Variants in TMEM114 observed in about 807,000 individuals in gnomAD.
The protein encoded by TMEM114 is transmembrane protein 114, also known as claudin-26.
A neutral mutation model predicts 6.2 loss-of-function variants in TMEM114; 6 were observed. That is an observed-to-expected ratio of 0.97 (90% CI 0.53 to 1.91). TMEM114 has a LOEUF of 1.91. Ranked by LOEUF, TMEM114 falls within the 40% of genes most tolerant of loss-of-function variation. The pLI is 0.01. For synonymous variants in TMEM114, 104 were observed against 73.0 expected (o/e 1.42, Z -2.16); for missense variants, 218 against 158.3 (o/e 1.38, Z -2.02).
chr16:8,561,880 A>G (rs12934183), intron 2 of TMEM114, among the ~76,000 whole-genome samples: 160 of 139,596 alleles, frequency 1.1e-3, no homozygotes, highest in African/African-American at 3.9e-3. Context: ...GAGTGAGTGA[A>G]TGAGTGAGTG....
At chr16:8,544,169 T>C (rs1346328048) in intron 2 of TMEM114, among the ~76,000 whole-genome samples, 3 of 152,252 alleles carry the variant, frequency 2.0e-5, no homozygotes, top group Admixed American at 1.3e-4. Context: ...AGCAACTTTA[T>C]ATAGGCAAGC....
chr16:8,550,124 C>T (rs772948860), intron 2 of TMEM114, among the ~76,000 whole-genome samples: 15 of 152,228 alleles, frequency 9.9e-5, no homozygotes, highest in Non-Finnish European at 1.8e-4. Flanking sequence ...CCAGAAGACT[C>T]AGCAAGTCAG....
At chr16:8,528,144 G>C in the TMEM114 span, among the ~76,000 whole-genome samples, 1 of 152,032 alleles carries the variant, frequency 6.6e-6, no homozygotes, top group Non-Finnish European at 1.5e-5. Flanking sequence ...CAAGTGATCT[G>C]CCTGCCTAGG....
intron 2 of TMEM114, among the ~76,000 whole-genome samples, chr16:8,543,427 G>A (rs1900573157): frequency 6.6e-6 from 1 of 151,480 alleles, no homozygotes; most frequent in Non-Finnish European, 1.5e-5. Context: ...AAGTGCCCCA[G>A]TGTGACTGAG....
At chr16:8,560,976 C>A (rs957332701) in intron 2 of TMEM114, among the ~76,000 whole-genome samples, 2 of 152,128 alleles carry the variant, frequency 1.3e-5, no homozygotes, top group Non-Finnish European at 2.9e-5. Context: ...TCACAGCAGG[C>A]GAGACAGGGA....
downstream of TMEM114, among the ~76,000 whole-genome samples, chr16:8,534,636 C>T (rs1186766931): frequency 6.6e-6 from 1 of 152,180 alleles, no homozygotes; most frequent in Non-Finnish European, 1.5e-5. Flanking sequence ...GTGCTGAAGG[C>T]AGAGGTGCTG....
chr16:8,561,294 G>A (rs1384134542), intron 2 of TMEM114, among the ~76,000 whole-genome samples: 1 of 152,232 alleles, frequency 6.6e-6, no homozygotes, highest in Non-Finnish European at 1.5e-5. Context: ...TTAGGAGGAA[G>A]AGTTTCTGGT....
At position 8,562,578 on chromosome 16, in the gene TMEM114, GAGGA is replaced by G. The variant is rs1901289254; in HGVS notation, n.213-24756_213-24753del. On this transcript the variant is annotated intron_variant and non_coding_transcript_variant, in intron 2 of 2. Coordinates refer to the TMEM114 transcript ENST00000623677. ...TGCGTCAATGAGTGAGTGAATGAGT[GAGGA>G]AATAAGTAAGTGAATGAGTGAGTGA... Among the ~76,000 whole-genome samples, 6 of 105,378 alleles carry G rather than the reference GAGGA, an allele frequency of 5.7e-5. No individual in the cohort carries two copies. In the East Asian group the frequency reaches 1.5e-3, roughly 26 times the overall value. The allele number at this position is 105,378 out of a possible 152,430, so 69.1% of individuals were successfully genotyped here.
At chr16:8,563,585 G>GTTAA (rs1901372960) in intron 2 of TMEM114, among the ~76,000 whole-genome samples, 3 of 136,276 alleles carry the variant, frequency 2.2e-5, no homozygotes, top group Non-Finnish European at 4.8e-5. Flanking sequence ...AAATGAGTGA[G>GTTAA]TGAATGAGTG....
Position 8,545,294 on chromosome 16 carries a change from G to T in TMEM114, n.213-7468C>A, listed in dbSNP as rs140259068. Among the ~76,000 whole-genome samples, 861 of 152,148 alleles carry T rather than the reference G, an allele frequency of 5.7e-3. 6 individuals are homozygous for T. The highest frequency in any genetic ancestry group is 0.02 in the African/African-American group (812 of 41,500). Reference sequence around the variant, plus strand: ...ATCTACAAAAAATAAAAAATAACCAGGCACAGTGGCACATGCCTGCAGTCC... The same window carrying T: ...ATCTACAAAAAATAAAAAATAACCATGCACAGTGGCACATGCCTGCAGTCC... On this transcript the variant is annotated intron_variant and non_coding_transcript_variant, in intron 2 of 2. Transcript: ENST00000623677.
At chr16:8,575,587 T>C (rs538244074) in intron 2 of TMEM114, among the ~76,000 whole-genome samples, 21 of 152,252 alleles carry the variant, frequency 1.4e-4, no homozygotes, top group African/African-American at 4.8e-4. Flanking sequence ...CTCACCAGGG[T>C]TCCAATGTCA....
chr16:8,564,027 A>AAATGAGTGACTGAATGAGTGAGTG (rs1701648527), intron 2 of TMEM114, among the ~76,000 whole-genome samples: 5 of 146,456 alleles, frequency 3.4e-5, no homozygotes, highest in Admixed American at 3.4e-4. Context: ...GTGAATGAGT[A>AAATGAGTGACTGAATGAGTGAGTG]AATGAGTGAC....
chr16:8,564,705 G>A (rs1466567886), downstream of TMEM114, among the ~76,000 whole-genome samples: 3 of 142,504 alleles, frequency 2.1e-5, 1 homozygote, highest in Non-Finnish European at 4.6e-5. Context: ...GAGTGAGTGA[G>A]TGAATGAGTG....
intron 2 of TMEM114, among the ~76,000 whole-genome samples, chr16:8,550,993 G>C (rs1900826339): frequency 6.6e-6 from 1 of 152,154 alleles, no homozygotes; most frequent in African/African-American, 2.4e-5. Context: ...AATGATACAT[G>C]GTTCTAACCC....
At chr16:8,536,724 C>G (rs1900371423), downstream of TMEM114, among the ~76,000 whole-genome samples, 1 of 151,818 alleles carries the variant, frequency 6.6e-6, no homozygotes, top group East Asian at 1.9e-4. Context: ...TAATCATGTA[C>G]CAGGCATTTA....
chr16:8,568,848 G>A (rs998104201), downstream of TMEM114, among the ~76,000 whole-genome samples: 12 of 152,236 alleles, frequency 7.9e-5, no homozygotes, highest in African/African-American at 2.9e-4. Flanking sequence ...GTAGACAGCA[G>A]CAGGATTTTT....
chr16:8,589,794 G>A lies in TMEM114; in HGVS notation c.45C>T (p.Thr15=), dbSNP rs1902429184. 5.0e-6 allele frequency: 2 copies of A among 398,442 alleles called. No homozygotes were observed. The highest frequency in any genetic ancestry group is 4.1e-5 in the African/African-American group (2 of 48,704). 24.7% of individuals were successfully genotyped at this position (398,442 alleles called of 1,614,324 possible). Residue 15 remains threonine, a synonymous_variant, in exon 1 of 4, where the codon ACC becomes ACT. Coordinates refer to ENST00000620492, the MANE Select transcript of TMEM114 (RefSeq NM_001146336.2). ...LGGLAGAAAL[T]GALSFVLLAA... is the part of the protein sequence containing the mutation. ...CCAGGAGCACAAAGCTGAGCGCCCC[G>A]GTCAGCGCAGCCGCGCCGGCCAGCC...
chr16:8,585,217 A>G (rs1198139842), intron 2 of TMEM114, among the ~76,000 whole-genome samples: 1 of 152,110 alleles, frequency 6.6e-6, no homozygotes, highest in East Asian at 1.9e-4. Context: ...TGATTCAATT[A>G]CCTCCCACCA....
At chr16:8,535,260 G>T (rs913717742), downstream of TMEM114, among the ~76,000 whole-genome samples, 5 of 152,162 alleles carry the variant, frequency 3.3e-5, no homozygotes, top group Non-Finnish European at 7.3e-5. Context: ...TAAATATAAG[G>T]TGTTGATGGT....
Sources: gnomAD v4.1 joint callset for allele counts (sites outside exome capture counted in the v4.1 genomes callset) on GRCh38, gnomAD v4.1.1 for gene constraint, MANE v1.5 for transcripts, NCBI Gene and HGNC (gene_info 2026-07-23, HGNC 2026-07-21) for gene names.